Variants in CACNB2 observed in about 807,000 individuals in gnomAD.
The protein encoded by CACNB2 is calcium voltage-gated channel auxiliary subunit beta 2, also known as voltage-dependent L-type calcium channel subunit beta-2.
Under a neutral mutation model 73.3 loss-of-function variants are expected in CACNB2, and 42 were observed. That is an observed-to-expected ratio of 0.57 (90% confidence interval 0.45 to 0.74). The LOEUF (loss-of-function observed/expected upper bound fraction) is 0.74. Among genes scored for constraint, CACNB2 ranks in the 30% least tolerant of loss-of-function variants. The probability of loss-of-function intolerance (pLI) is 0.00; values close to 1 mark genes in which losing one functional copy is unlikely to be tolerated. For synonymous variants in CACNB2, 348 were observed against 310.3 expected (o/e 1.12, Z -1.28); for missense variants, 940 against 853.0 (o/e 1.10, Z -1.27).
intron 3 of CACNB2, among the ~76,000 whole-genome samples, chr10:18,415,040 C>G (rs1219021674): frequency 6.6e-6 from 1 of 152,176 alleles, no homozygotes; most frequent in Non-Finnish European, 1.5e-5. Flanking sequence ...TGGTATCATG[C>G]TATCGAGTTG....
chr10:18,260,300 C>G, intron 2 of CACNB2: 1 of 371,142 alleles, frequency 2.7e-6, no homozygotes, highest in South Asian at 1.1e-4. Context: ...AGCTCTCACA[C>G]TTGGAAGGCA....
intron 2 of CACNB2, chr10:18,340,594 T>G: frequency 1.1e-6 from 1 of 911,392 alleles, no homozygotes. Flanking sequence ...GAAGTGTTAC[T>G]GTACTTTGAC....
chr10:18,340,671 T>C, intron 2 of CACNB2: 1 of 1,382,278 alleles, frequency 7.2e-7, no homozygotes, highest in Non-Finnish European at 9.4e-7. Context: ...CCCTCCCACT[T>C]GCGTTTGTTA....
At chr10:18,310,901 G>C (rs1219671597) in intron 2 of CACNB2, among the ~76,000 whole-genome samples, 1 of 151,888 alleles carries the variant, frequency 6.6e-6, no homozygotes, top group African/African-American at 2.4e-5. Context: ...TTCATTTTCT[G>C]TTTTGGTTTA....
chr10:18,161,192 C>T (rs1167059331), intron 2 of CACNB2, among the ~76,000 whole-genome samples: 1 of 152,176 alleles, frequency 6.6e-6, no homozygotes, highest in Non-Finnish European at 1.5e-5. Flanking sequence ...TTCAGGAAGT[C>T]CCTGTCCCCT....
intron 2 of CACNB2, among the ~76,000 whole-genome samples, chr10:18,392,881 GT>G (rs2043544210): frequency 6.6e-6 from 1 of 152,056 alleles, no homozygotes; most frequent in Admixed American, 6.6e-5. Flanking sequence ...TGATAAGATA[GT>G]TTGTATATAA....
intron 2 of CACNB2, among the ~76,000 whole-genome samples, chr10:18,319,175 T>C (rs954796672): frequency 2.0e-5 from 3 of 152,164 alleles, no homozygotes; most frequent in African/African-American, 7.2e-5. Context: ...CTGTTCACAA[T>C]AGCAAAGACT....
intron 3 of CACNB2, among the ~76,000 whole-genome samples, chr10:18,480,954 T>TTA (rs2048691344): frequency 1.3e-5 from 2 of 151,898 alleles, no homozygotes; most frequent in Non-Finnish European, 2.9e-5. Context: ...AAATGTCTAA[T>TTA]AACAGTGCAG....
intron 2 of CACNB2, among the ~76,000 whole-genome samples, chr10:18,199,562 T>C (rs1224037549): frequency 3.3e-5 from 5 of 152,174 alleles, no homozygotes; most frequent in African/African-American, 1.2e-4. Flanking sequence ...AGTGCACTGA[T>C]GGAGAAGGAG....
At chr10:18,511,290 G>C (rs749131616) in intron 6 of CACNB2, among the ~76,000 whole-genome samples, 1 of 152,250 alleles carries the variant, frequency 6.6e-6, no homozygotes, top group East Asian at 1.9e-4. Context: ...ATTTGTAATA[G>C]TGTACAAACA....
At chr10:18,193,712 T>C (rs909152424) in intron 2 of CACNB2, among the ~76,000 whole-genome samples, 3 of 152,122 alleles carry the variant, frequency 2.0e-5, no homozygotes, top group Non-Finnish European at 4.4e-5. Context: ...GGAGGAGTGC[T>C]TGTAGAAAGG....
At chr10:18,476,991 G>C (rs1052475100) in intron 3 of CACNB2, among the ~76,000 whole-genome samples, 7 of 151,478 alleles carry the variant, frequency 4.6e-5, no homozygotes, top group Non-Finnish European at 7.4e-5. Flanking sequence ...CTGCACTCCA[G>C]TCTGGGTGAC....
intron 2 of CACNB2, among the ~76,000 whole-genome samples, chr10:18,157,016 T>C (rs1363500594): frequency 6.6e-5 from 10 of 150,936 alleles, no homozygotes; most frequent in African/African-American, 1.2e-4. Context: ...GCACTCAGAT[T>C]GCGCCATTGC....
intron 2 of CACNB2, among the ~76,000 whole-genome samples, chr10:18,377,872 C>T (rs977432707): frequency 1.3e-5 from 2 of 152,172 alleles, no homozygotes; most frequent in Non-Finnish European, 2.9e-5. Flanking sequence ...AAACATTAAC[C>T]TTCGCTCCCT....
At chr10:18,172,980 G>T (rs554120861) in intron 2 of CACNB2, among the ~76,000 whole-genome samples, 1 of 145,744 alleles carries the variant, frequency 6.9e-6, no homozygotes, top group East Asian at 2.1e-4. Flanking sequence ...GAGTGCAGTG[G>T]CACGATCTCA....
At chr10:18,466,217 G>A (rs575864834) in intron 3 of CACNB2, among the ~76,000 whole-genome samples, 10 of 152,150 alleles carry the variant, frequency 6.6e-5, no homozygotes, top group South Asian at 2.1e-4. Context: ...GCTGGAGTTC[G>A]TCTTTTGCCT....
intron 3 of CACNB2, among the ~76,000 whole-genome samples, chr10:18,429,701 T>G: frequency 7.4e-6 from 1 of 135,096 alleles, no homozygotes; most frequent in East Asian, 2.1e-4. Flanking sequence ...CCAAGAATGA[T>G]GTTGTACACC....
rs762092636 is a variant in CACNB2 at position 18,150,938 on chromosome 10, C to T, written c.176C>T (p.Thr59Met). Residue 59 changes from threonine (T) to methionine (M), a missense_variant, in exon 2 of 14, where the codon ACG becomes ATG. Thr to Met is a moderately conservative substitution (Grantham distance 81, BLOSUM62 -1). Coordinates refer to ENST00000324631, the MANE Select transcript of CACNB2 (RefSeq NM_201596.3). ...KNRFKGSDGS[T>M]SSDTTSNSFV... ...AGATTTAAAGGATCTGATGGAAGCA[C>T]GTCATCTGATACTACCTCAAATAGT... 9.8e-6 allele frequency: 15 copies of T among 1,533,120 alleles called. No individual in the cohort carries two copies. Among genetic ancestry groups the T allele is most frequent in the African/African-American group, 5.9e-5 (4 of 67,352 alleles). The allele number at this position is 1,533,120 out of a possible 1,614,324, so 95.0% of individuals were successfully genotyped here.
chr10:18,333,434 G>T (rs2040879763), intron 2 of CACNB2, among the ~76,000 whole-genome samples: 1 of 143,114 alleles, frequency 7.0e-6, no homozygotes. Flanking sequence ...TGGAAATTTT[G>T]TTAATGTTAA....
Sources: allele counts gnomAD v4.1 joint callset (sites outside exome capture counted in the v4.1 genomes callset), GRCh38; gene constraint gnomAD v4.1.1; transcripts MANE v1.5; gene names NCBI Gene and HGNC (gene_info 2026-07-23, HGNC 2026-07-21).